The following CLEC10A variants were observed in gnomAD, a reference collection of about 807,000 sequenced individuals.
CLEC10A encodes C-type lectin domain family 10 member A.
In CLEC10A, 38 loss-of-function variants were observed where a neutral mutation model predicts 42.0. The ratio of observed to expected loss-of-function variants is 0.90; its 90% CI spans 0.70 to 1.18. The LOEUF is 1.18. CLEC10A is among the 50% of genes most tolerant of loss of function. The pLI is 0.00. For synonymous variants in CLEC10A, 126 were observed against 139.9 expected (o/e 0.90, Z 0.70); for missense variants, 298 against 345.9 (o/e 0.86, Z 1.10).
intron 8 of CLEC10A, 31 bp downstream of exon 8, chr17:7,075,329 A>C (rs758273609): frequency 6.6e-7 from 1 of 1,507,608 alleles, no homozygotes; most frequent in Admixed American, 2.4e-5. Flanking sequence ...CTGACGGAGG[A>C]CATTGGCACA....
intron 6 of CLEC10A, 23 bp from the exon 7 acceptor site, chr17:7,075,908 G>C: frequency 6.2e-7 from 1 of 1,611,238 alleles, no homozygotes; most frequent in Non-Finnish European, 8.5e-7. Flanking sequence ...AAATAGGATA[G>C]GGTGGAGAGG....
chr17:7,078,630 G>C (rs1355202216), intron 2 of CLEC10A, 116 bp downstream of exon 2: 1 of 967,014 alleles, frequency 1.0e-6, no homozygotes, highest in Non-Finnish European at 1.7e-6. Flanking sequence ...GCTGGGGCCT[G>C]ACCTCCTCAG....
chr17:7,078,670 G>T, intron 2 of CLEC10A, 76 bp downstream of exon 2: 1 of 1,426,228 alleles, frequency 7.0e-7, no homozygotes, highest in South Asian at 1.1e-5. Context: ...GCGTGGTGGA[G>T]GTACAGAAAT....
chr17:7,075,288 G>C, intron 8 of CLEC10A, 66 bp from the exon 9 acceptor site: 1 of 1,507,580 alleles, frequency 6.6e-7, no homozygotes, highest in African/African-American at 1.4e-5. Flanking sequence ...CAGGGGAGGA[G>C]AGGCTGCCAG....
In CLEC10A at chr17:7,075,883, A is replaced by C; in HGVS notation, c.442T>G (p.Ser148Ala). 6.2e-7 allele frequency: 1 copy of C among 1,601,442 alleles called. No individual in the cohort carries two copies. ...ACAGGGCAGCAGGTCCCTTCAGTGGAGGCTGATTGGGGAGAAATAGGATAG... is the reference window on the plus strand; with the variant it reads ...ACAGGGCAGCAGGTCCCTTCAGTGGCGGCTGATTGGGGAGAAATAGGATAG... Reference protein sequence around the residue: ...CQVATLNNNASTEGTCCPVNW... With the variant: ...CQVATLNNNAATEGTCCPVNW... Residue 148 changes from serine (S) to alanine (A), a missense_variant and splice_region_variant, in exon 7 of 9, where the codon TCC (serine) becomes GCC (alanine). Ser to Ala is a moderately conservative substitution (Grantham distance 99). This residue lies in a region of CLEC10A where 267 missense variants were observed against 289.5 expected (regional missense o/e 0.92). Transcript: ENST00000416562.
In CLEC10A at chr17:7,075,859, C is replaced by G. The variant is rs780416542; in HGVS notation, c.466G>C (p.Val156Leu). 2 of 1,613,470 alleles carry G rather than the reference C, an allele frequency of 1.2e-6. No individual in the cohort carries two copies. The highest frequency in any genetic ancestry group is 2.2e-5 in the South Asian group (2 of 91,040). ...NASTEGTCCP[V>L]NWVEHQDSCY... The stretch of plus-strand genomic sequence containing the variant: ...CTGTCTTGGTGCTCCACCCAGTTGA[C>G]AGGGCAGCAGGTCCCTTCAGTGGAG... Residue 156 changes from valine to leucine, a missense_variant, in exon 7 of 9, where the codon GTC becomes CTC. Val to Leu is a conservative substitution (Grantham distance 32). Around this residue, in one of 3 missense-constraint regions of CLEC10A, gnomAD observed 267 missense variants for 289.5 expected, o/e 0.92. Transcript: ENST00000416562.
intron 5 of CLEC10A, 130 bp from the exon 6 acceptor site, chr17:7,076,201 C>A (rs188415921): frequency 3.2e-6 from 5 of 1,567,750 alleles, no homozygotes; most frequent in East Asian, 4.5e-5. Flanking sequence ...CCACCCACCC[C>A]CTACATCATG....
chr17:7,079,309 C>T (rs904919884), intron 1 of CLEC10A, among the ~76,000 whole-genome samples: 2 of 152,116 alleles, frequency 1.3e-5, no homozygotes, highest in Non-Finnish European at 2.9e-5. Context: ...GCGACAGGTG[C>T]GGTGGCTCAC....
rs199919890 is a variant in CLEC10A, at chr17:7,076,290, C to CCTTT, written c.353-223_353-220dup. 3.5e-3 allele frequency: 2,387 copies of CCTTT among 678,714 alleles called. 76 individuals carry two copies. The African/African-American group carries it at 0.042, about 12-fold the overall frequency. The allele number at this position is 678,714 out of a possible 1,614,324, so 42.0% of individuals were successfully genotyped here. A position where few individuals can be genotyped will look rare whatever the true frequency, so the allele number is the denominator to read the frequency against. On this transcript the variant is annotated intron_variant, in intron 5 of 8. Coordinates refer to ENST00000416562, the MANE Select transcript of CLEC10A (RefSeq NM_001330070.2). ...CCTGCTCTCCAGAGAAAGCATGCTG[C>CCTTT]CTTTCTTTCTTTCTTTCTTTTTTTT...
rs756764711 is a variant in CLEC10A at position 7,075,734 on chromosome 17, C to T, written c.591G>A (p.Glu197=). Residue 197 remains glutamate, a synonymous_variant, in exon 7 of 9, where the codon GAG becomes GAA. Coordinates refer to ENST00000416562, the MANE Select transcript of CLEC10A (RefSeq NM_001330070.2). ...ACTGAGTACCAGAAGCCCTCACCTG[C>T]TCCTCCCTGGAGTTGATGACCACCA... ...AHLVVINSRE[E]QNFVQKYLGS... 1.2e-6 allele frequency: 2 copies of T among 1,614,234 alleles called. No homozygotes were observed. Among genetic ancestry groups the T allele is most frequent in the South Asian group, 1.1e-5 (1 of 91,086 alleles).
chr17:7,075,417 C>A lies in CLEC10A; in HGVS notation c.644G>T (p.Ser215Ile), dbSNP rs763383216. The change falls in exon 8 of 9, where the codon AGT (serine) becomes ATT (isoleucine). Residue 215 changes from serine to isoleucine, a missense_variant. Physicochemically the swap from Ser to Ile is moderately radical, Grantham distance 142. Transcript: ENST00000416562. ...LGSAYTWMGL[S>I]DPEGAWKWVD... ...CCACTTCCAGGCTCCTTCAGGGTCACTGAGGCCCATCCAGGTGTATGCGGA... is the reference window on the plus strand; with the variant it reads ...CCACTTCCAGGCTCCTTCAGGGTCAATGAGGCCCATCCAGGTGTATGCGGA... The A allele has an allele frequency of 6.6e-7, 1 of 1,523,530 alleles. No homozygotes were observed. Among genetic ancestry groups the A allele is most frequent in the Non-Finnish European group, 8.8e-7 (1 of 1,139,002 alleles). The allele number at this position is 1,523,530 out of a possible 1,614,324, so 94.4% of individuals were successfully genotyped here. A position where few individuals can be genotyped will look rare whatever the true frequency, so the allele number is the denominator to read the frequency against.
intron 5 of CLEC10A, 188 bp from the exon 6 acceptor site, chr17:7,076,259 C>T: frequency 2.2e-6 from 2 of 892,260 alleles, no homozygotes; most frequent in Non-Finnish European, 3.2e-6. Context: ...GCCCCTGTTT[C>T]TCCAGCCTGC....
intron 3 of CLEC10A, among the ~76,000 whole-genome samples, chr17:7,077,602 C>T (rs148338409): frequency 9.5e-6 from 1 of 105,196 alleles, no homozygotes; most frequent in East Asian, 3.5e-4. Context: ...TCAGTGACCC[C>T]CAACCATTCC....
In CLEC10A at chr17:7,078,864, C is replaced by T. The variant is rs763618051; in HGVS notation, c.-52G>A. ...GTCACAGCTGAAATGGAGGCAGGGC[C>T]GGCGCCCAGTCTGGGGTGGAGCTGG... is the stretch of plus-strand genomic sequence containing the variant. On this transcript the variant is annotated 5_prime_UTR_variant, in exon 2 of 9. Transcript: ENST00000416562. 1.5e-5 allele frequency: 23 copies of T among 1,580,176 alleles called. No homozygotes were observed. The African/African-American group carries it at 2.0e-4, about 14-fold the overall frequency.
chr17:7,077,049 G>A, intron 3 of CLEC10A, 62 bp from the exon 4 acceptor site: 1 of 1,177,652 alleles, frequency 8.5e-7, no homozygotes, highest in Non-Finnish European at 1.3e-6. Context: ...CCAGCACCGA[G>A]CAGGGCCCTC....
rs537944720 is a variant in CLEC10A at position 7,074,747 on chromosome 17, G to A, written c.*307C>T. ...GGGCGATGGCAATGTTATCTATTGC[G>A]ATCGGAGTGGTAGTCACCTAGGCAT... On this transcript the variant is annotated 3_prime_UTR_variant, in exon 9 of 9. Transcript: ENST00000416562. 13 of 210,896 alleles carry A rather than the reference G, an allele frequency of 6.2e-5. No homozygotes were observed. Among genetic ancestry groups the A allele is most frequent in the Middle Eastern group, 1.6e-3 (1 of 626 alleles). The allele number at this position is 210,896 out of a possible 1,614,324, so 13.1% of individuals were successfully genotyped here. A position where few individuals can be genotyped will look rare whatever the true frequency, so the allele number is the denominator to read the frequency against.
Position 7,078,837 on chromosome 17 carries a change from T to C in CLEC10A, c.-25A>G, listed in dbSNP as rs980346496. ...TGCTTGGGCCAACACGGCTCTGAGG[T>C]TGTCACAGCTGAAATGGAGGCAGGG... On this transcript the variant is annotated 5_prime_UTR_variant, in exon 2 of 9. Transcript: ENST00000416562. The C allele has an allele frequency of 3.1e-6, 5 of 1,612,416 alleles. No individual in the cohort carries two copies. The highest frequency in any genetic ancestry group is 1.3e-5 in the African/African-American group (1 of 74,844).
chr17:7,078,162 CG>C (rs762581135), intron 2 of CLEC10A, 49 bp from the exon 3 acceptor site: 8 of 1,423,014 alleles, frequency 5.6e-6, no homozygotes, highest in Non-Finnish European at 7.9e-6. Context: ...ACACCGGAGA[CG>C]GGAGAAGGAG....
intron 2 of CLEC10A, 109 bp downstream of exon 2, chr17:7,078,637 T>A: frequency 2.8e-6 from 3 of 1,077,236 alleles, no homozygotes; most frequent in South Asian, 1.3e-5. Context: ...CCTGACCTCC[T>A]CAGAGTTAGG....
Sources: allele counts gnomAD v4.1 joint callset (sites outside exome capture counted in the v4.1 genomes callset), GRCh38; gene constraint gnomAD v4.1.1; regional missense constraint gnomAD v4.1.1; transcripts MANE v1.5; gene names NCBI Gene and HGNC (gene_info 2026-07-23, HGNC 2026-07-21).